The following SCD5 variants were observed in gnomAD, a reference collection of about 807,000 sequenced individuals.
SCD5 encodes the protein acyl-CoA-desaturase 4.
In SCD5, 20 loss-of-function variants were observed where a neutral mutation model predicts 30.4. The observed-to-expected ratio is 0.66, with a 90% CI of 0.46 to 0.96. The LOEUF is 0.96. Among genes scored for constraint, SCD5 ranks in the 40% least tolerant of loss-of-function variants. SCD5 has a pLI of 0.00. For synonymous variants in SCD5, 173 were observed against 176.4 expected (o/e 0.98, Z 0.16); for missense variants, 381 against 443.3 (o/e 0.86, Z 1.26).
At position 82,634,468 on chromosome 4, in the gene SCD5, C is replaced by T. The variant is rs190989621; in HGVS notation, c.802+2123G>A. 2.7e-5 allele frequency among the ~76,000 whole-genome samples: 4 copies of T among 146,996 alleles called. No homozygotes were observed. The East Asian group carries it at 7.8e-4, about 29-fold the overall frequency. ...ATTTTCTTTTAAATTTATGCCATCC[C>T]TACCCTGCACACCACCTCCCCCCCC... On this transcript the variant is annotated intron_variant, in intron 4 of 4. Transcript: ENST00000319540.
intron 3 of SCD5, among the ~76,000 whole-genome samples, chr4:82,670,393 T>G (rs924113249): frequency 6.6e-6 from 1 of 152,166 alleles, no homozygotes; most frequent in African/African-American, 2.4e-5. Flanking sequence ...GATAGGCTTA[T>G]AAGTAGACTG....
chr4:82,795,427 A>G (rs1722190747), intron 1 of SCD5, among the ~76,000 whole-genome samples: 1 of 152,190 alleles, frequency 6.6e-6, no homozygotes, highest in South Asian at 2.1e-4. Context: ...TTCACTGAAA[A>G]TAACCCTGAG....
rs1466982577 is a variant in SCD5 at position 82,687,178 on chromosome 4, A to G, written c.364-6266T>C. 4.6e-4 allele frequency among the ~76,000 whole-genome samples: 14 copies of G among 30,516 alleles called. No individual in the cohort carries two copies. In the East Asian group the frequency reaches 0.039, roughly 85 times the overall value. 20.0% of individuals were successfully genotyped at this position (30,516 alleles called of 152,430 possible). On this transcript the variant is annotated intron_variant, in intron 2 of 4. Transcript: ENST00000319540. Reference sequence around the variant, plus strand: ...AGAGTAAGACCTTGTTACAAGAAAAAAAAAAAAAAAAGAAAGAAAGAAAGA... The same window carrying G: ...AGAGTAAGACCTTGTTACAAGAAAAGAAAAAAAAAAAGAAAGAAAGAAAGA...
At chr4:82,748,472 C>T (rs952157843) in intron 1 of SCD5, among the ~76,000 whole-genome samples, 2 of 152,164 alleles carry the variant, frequency 1.3e-5, no homozygotes, top group African/African-American at 4.8e-5. Context: ...GGAATTTAAA[C>T]GTTAAGTTTA....
At chr4:82,706,083 G>T (rs1186880214) in intron 1 of SCD5, among the ~76,000 whole-genome samples, 1 of 152,218 alleles carries the variant, frequency 6.6e-6, no homozygotes, top group Non-Finnish European at 1.5e-5. Context: ...ACAGAAAGCT[G>T]CAGTAAATAA....
At chr4:82,635,677 G>C (rs1577998734) in intron 4 of SCD5, among the ~76,000 whole-genome samples, 1 of 150,156 alleles carries the variant, frequency 6.7e-6, no homozygotes, top group South Asian at 2.1e-4. Context: ...GCACTGGTAG[G>C]AACACTCTGT....
chr4:82,671,081 T>C (rs569272120), intron 3 of SCD5, among the ~76,000 whole-genome samples: 2 of 152,256 alleles, frequency 1.3e-5, no homozygotes, highest in South Asian at 4.1e-4. Context: ...CAAAAGAAGG[T>C]AGGAGTACCT....
intron 1 of SCD5, among the ~76,000 whole-genome samples, chr4:82,770,686 G>T (rs1380831580): frequency 2.6e-5 from 4 of 152,224 alleles, no homozygotes; most frequent in Non-Finnish European, 5.9e-5. Context: ...ATGTCCCCTT[G>T]GCTCTTACCG....
chr4:82,681,884 C>CCT (rs370830142), intron 2 of SCD5, among the ~76,000 whole-genome samples: 15 of 152,254 alleles, frequency 9.9e-5, no homozygotes, highest in African/African-American at 3.4e-4. Context: ...GATGTCTCTG[C>CCT]CTCTCTCCTC....
At chr4:82,704,411 G>C (rs775600596) in intron 2 of SCD5, among the ~76,000 whole-genome samples, 18 of 152,140 alleles carry the variant, frequency 1.2e-4, no homozygotes, top group Non-Finnish European at 2.4e-4. Context: ...AAAACAAGTT[G>C]TTCTCACTCA....
chr4:82,653,101 C>T (rs1727790628), intron 3 of SCD5, among the ~76,000 whole-genome samples: 1 of 152,158 alleles, frequency 6.6e-6, no homozygotes, highest in Admixed American at 6.5e-5. Context: ...CTCCAGTGAT[C>T]CCTGCTCATG....
At chr4:82,723,960 A>C (rs892871164) in intron 1 of SCD5, among the ~76,000 whole-genome samples, 6 of 152,266 alleles carry the variant, frequency 3.9e-5, no homozygotes, top group Non-Finnish European at 8.8e-5. Flanking sequence ...ATATTAGATT[A>C]GGTTATGATA....
chr4:82,693,231 G>A (rs567773833), intron 2 of SCD5, among the ~76,000 whole-genome samples: 1 of 152,294 alleles, frequency 6.6e-6, no homozygotes, highest in African/African-American at 2.4e-5. Flanking sequence ...CTCAGCTCCG[G>A]TGCCTTTGAC....
At chr4:82,638,250 A>G (rs1231740567) in intron 3 of SCD5, among the ~76,000 whole-genome samples, 2 of 151,704 alleles carry the variant, frequency 1.3e-5, no homozygotes, top group Non-Finnish European at 2.9e-5. Context: ...CCCTTCTCCT[A>G]TGCACAATTA....
At chr4:82,792,392 T>C (rs1227303542) in intron 1 of SCD5, among the ~76,000 whole-genome samples, 2 of 151,864 alleles carry the variant, frequency 1.3e-5, no homozygotes, top group Non-Finnish European at 2.9e-5. Context: ...TAGCATTGAG[T>C]GTCTACTCTT....
intron 1 of SCD5, among the ~76,000 whole-genome samples, chr4:82,706,883 C>T (rs866378390): frequency 3.3e-5 from 5 of 152,336 alleles, no homozygotes; most frequent in South Asian, 4.1e-4. Context: ...ATCTAGCTTG[C>T]ACTGGATTTC....
chr4:82,691,716 A>T (rs1215526463), intron 2 of SCD5: 1 of 152,128 alleles, frequency 6.6e-6, no homozygotes, highest in Non-Finnish European at 1.5e-5. Flanking sequence ...GCTGCCCAAC[A>T]GGGCAACACA....
At chr4:82,681,812 A>T (rs115172214) in intron 2 of SCD5, among the ~76,000 whole-genome samples, 2,531 of 152,268 alleles carry the variant, frequency 0.017, 42 homozygotes, top group South Asian at 0.033. Context: ...TCTTAGGATG[A>T]AATCTTGGTT....
intron 1 of SCD5, among the ~76,000 whole-genome samples, chr4:82,797,884 T>C (rs760836017): frequency 4.0e-5 from 6 of 151,862 alleles, no homozygotes; most frequent in Non-Finnish European, 2.9e-5. Context: ...ATGGGGGGGA[T>C]AGGAGAGCCC....
Sources: gnomAD v4.1 joint callset for allele counts (sites outside exome capture counted in the v4.1 genomes callset) on GRCh38, gnomAD v4.1.1 for gene constraint, MANE v1.5 for transcripts, NCBI Gene and HGNC (gene_info 2026-07-23, HGNC 2026-07-21) for gene names.